Variants in PTPN9 observed in about 807,000 individuals in gnomAD.
PTPN9 encodes tyrosine-protein phosphatase non-receptor type 9.
In PTPN9, 26 loss-of-function variants were observed where a neutral mutation model predicts 69.8. The ratio of observed to expected loss-of-function variants is 0.37; its 90% CI spans 0.27 to 0.52. The LOEUF is 0.52. Among genes scored for constraint, PTPN9 ranks in the 20% least tolerant of loss-of-function variants. The pLI, the probability that PTPN9 is intolerant of heterozygous loss-of-function variation, is 0.91. For missense variants in PTPN9, 549 were observed against 740.3 expected, an observed-to-expected ratio of 0.74 and a Z score of 3.00; for synonymous variants, 274 against 272.5, an observed-to-expected ratio of 1.01 and a Z score of -0.05.
intron 7 of PTPN9, among the ~76,000 whole-genome samples, chr15:75,496,135 T>A (rs1357975448): frequency 7.5e-6 from 1 of 133,576 alleles, no homozygotes; most frequent in Non-Finnish European, 1.6e-5. Flanking sequence ...TGAGAGCCTG[T>A]CTCAAAAAAA....
intron 1 of PTPN9, among the ~76,000 whole-genome samples, chr15:75,559,357 G>A (rs112178575): frequency 0.18 from 27,912 of 152,096 alleles, 3,184 homozygotes; most frequent in Non-Finnish European, 0.26. Context: ...AAAAGATAGA[G>A]AAATCAGACT....
chr15:75,537,766 A>AAAAAAAAAG (rs2074990751), intron 1 of PTPN9, among the ~76,000 whole-genome samples: 1 of 129,886 alleles, frequency 7.7e-6, no homozygotes, highest in East Asian at 2.1e-4. Context: ...AAAAAAAAAA[A>AAAAAAAAAG]AAAAAAAAAA....
chr15:75,469,134 AAGG>A (rs2074551187), intron 12 of PTPN9, 151 bp from the exon 13 acceptor site: 3 of 658,658 alleles, frequency 4.6e-6, no homozygotes, highest in Non-Finnish European at 7.7e-6. Context: ...AGGACTCAAG[AAGG>A]AGGTCACAGG....
chr15:75,486,159 A>G (rs184531994), intron 8 of PTPN9, among the ~76,000 whole-genome samples: 54 of 151,442 alleles, frequency 3.6e-4, no homozygotes, highest in African/African-American at 1.1e-3. Context: ...CACTTGGGGG[A>G]AAATTGGAAT....
Position 75,530,290 on chromosome 15 carries a change from A to G in PTPN9, c.64-3029T>C, listed in dbSNP as rs530809030. On this transcript the variant is annotated intron_variant, in intron 1 of 12. Transcript: ENST00000618819. ...GGTGGCTCATGCCTGTAATCCTAGCACTCCGGGAGGCCAAGGCAGGAAGAT... is the reference window on the plus strand; with the variant it reads ...GGTGGCTCATGCCTGTAATCCTAGCGCTCCGGGAGGCCAAGGCAGGAAGAT... Among the ~76,000 whole-genome samples, 5 of 141,026 alleles carry G rather than the reference A, an allele frequency of 3.5e-5. No individual in the cohort carries two copies. In the East Asian group the frequency reaches 1.0e-3, roughly 28 times the overall value. The allele number at this position is 141,026 out of a possible 152,430, so 92.5% of individuals were successfully genotyped here.
chr15:75,552,276 G>A (rs1322979091), intron 1 of PTPN9, among the ~76,000 whole-genome samples: 1 of 151,806 alleles, frequency 6.6e-6, no homozygotes, highest in Admixed American at 6.6e-5. Context: ...GCATGGTGGC[G>A]CATGCCTGTA....
In PTPN9 at chr15:75,468,516, G is replaced by T. The variant is rs1374552595; in HGVS notation, c.*253C>A. On this transcript the variant is annotated 3_prime_UTR_variant, in exon 13 of 13. Transcript: ENST00000618819. Reference sequence around the variant, plus strand: ...TAGCAAAAATCAATAGCCACAATTTGGTTTTAATAAGGCACAGTTTGATAG... The same window carrying T: ...TAGCAAAAATCAATAGCCACAATTTTGTTTTAATAAGGCACAGTTTGATAG... 1.1e-5 allele frequency: 4 copies of T among 368,386 alleles called. No individual in the cohort carries two copies. Among genetic ancestry groups the T allele is most frequent in the African/African-American group, 8.1e-5 (4 of 49,606 alleles). 22.8% of individuals were successfully genotyped at this position (368,386 alleles called of 1,614,324 possible).
intron 1 of PTPN9, among the ~76,000 whole-genome samples, chr15:75,555,988 C>T (rs554560119): frequency 9.6e-5 from 14 of 145,516 alleles, no homozygotes; most frequent in Non-Finnish European, 7.4e-5. Context: ...GCTATGACTG[C>T]ACCACTTCAT....
chr15:75,498,590 C>G (rs930745600), intron 7 of PTPN9, among the ~76,000 whole-genome samples: 2 of 152,002 alleles, frequency 1.3e-5, no homozygotes, highest in Non-Finnish European at 2.9e-5. Context: ...TGGTGCACGC[C>G]TGTAATCCCA....
chr15:75,548,006 G>C (rs532499626), intron 1 of PTPN9, among the ~76,000 whole-genome samples: 2 of 151,990 alleles, frequency 1.3e-5, no homozygotes, highest in Admixed American at 1.3e-4. Context: ...CAGAGACTAA[G>C]ATTTAGATAG....
intron 9 of PTPN9, 125 bp downstream of exon 9, chr15:75,479,723 G>A (rs756500157): frequency 1.4e-5 from 10 of 734,730 alleles, no homozygotes; most frequent in Non-Finnish European, 2.2e-5. Context: ...TTTATAAAAG[G>A]CCAGGATCTA....
chr15:75,470,258 G>A (rs1428587756), intron 11 of PTPN9, among the ~76,000 whole-genome samples: 1 of 152,218 alleles, frequency 6.6e-6, no homozygotes, highest in South Asian at 2.1e-4. Flanking sequence ...AGGTTGGAGT[G>A]CAGTGGCACG....
chr15:75,514,205 T>A (rs2074858130), intron 5 of PTPN9, among the ~76,000 whole-genome samples: 1 of 151,588 alleles, frequency 6.6e-6, no homozygotes, highest in Admixed American at 6.6e-5. Flanking sequence ...TCAGGAATGA[T>A]TTCTTCCTAG....
chr15:75,499,118 G>C (rs1178275465), intron 7 of PTPN9, among the ~76,000 whole-genome samples: 1 of 152,152 alleles, frequency 6.6e-6, no homozygotes, highest in Non-Finnish European at 1.5e-5. Flanking sequence ...AAGTCTCTTG[G>C]TCCAGGGGAA....
intron 8 of PTPN9, among the ~76,000 whole-genome samples, chr15:75,486,012 A>G (rs189855401): frequency 1.2e-3 from 171 of 148,316 alleles, no homozygotes; most frequent in Admixed American, 2.5e-3. Flanking sequence ...AGGCAGGAGA[A>G]TGGCACGAAC....
chr15:75,531,572 T>C (rs1457249037), intron 1 of PTPN9, among the ~76,000 whole-genome samples: 2 of 151,036 alleles, frequency 1.3e-5, no homozygotes, highest in African/African-American at 4.9e-5. Flanking sequence ...TTTTTGTTTT[T>C]TGTTTTTTCT....
intron 9 of PTPN9, among the ~76,000 whole-genome samples, chr15:75,478,263 G>A (rs1397850422): frequency 1.3e-5 from 2 of 151,828 alleles, no homozygotes; most frequent in East Asian, 1.9e-4. Flanking sequence ...GTGCCACCAC[G>A]CCCGGCTAAT....
At chr15:75,511,936 G>C (rs932597000) in intron 5 of PTPN9, among the ~76,000 whole-genome samples, 2 of 151,614 alleles carry the variant, frequency 1.3e-5, no homozygotes, top group African/African-American at 2.4e-5. Context: ...ATCTGCTCAA[G>C]GGTTCAACCA....
intron 1 of PTPN9, among the ~76,000 whole-genome samples, chr15:75,569,034 T>C (rs1468113968): frequency 6.6e-6 from 1 of 152,184 alleles, no homozygotes; most frequent in Non-Finnish European, 1.5e-5. Context: ...GTGGTTATTT[T>C]AGTGGTCAGG....
Sources: gnomAD v4.1 joint callset for allele counts (sites outside exome capture counted in the v4.1 genomes callset) on GRCh38, gnomAD v4.1.1 for gene constraint, MANE v1.5 for transcripts, NCBI Gene and HGNC (gene_info 2026-07-23, HGNC 2026-07-21) for gene names.